USP10: variants seen among roughly 807,000 people sequenced by gnomAD.
USP10 encodes ubiquitin specific peptidase 10.
A neutral mutation model predicts 84.5 loss-of-function variants in USP10; 22 were observed. The observed-to-expected ratio is 0.26, with a 90% CI of 0.19 to 0.37. The LOEUF (loss-of-function observed/expected upper bound fraction) is 0.37, where lower values mean the gene tolerates loss of function less well. Ranked by LOEUF, USP10 falls within the 10% of genes least tolerant of loss-of-function variation. The pLI is 1.00. For missense variants in USP10, 1,019 were observed against 998.9 expected, an observed-to-expected ratio of 1.02 and a Z score of -0.27; for synonymous variants, 454 against 387.6, an observed-to-expected ratio of 1.17 and a Z score of -2.01.
chr16:84,760,016 G>A, intron 7 of USP10, 70 bp downstream of exon 7: 1 of 1,574,890 alleles, frequency 6.3e-7, no homozygotes, highest in Non-Finnish European at 8.7e-7. Flanking sequence ...CTTAAATTTG[G>A]TAAATTCAGT....
chr16:84,774,509 C>T (rs1914780465), intron 12 of USP10, among the ~76,000 whole-genome samples: 1 of 52,912 alleles, frequency 1.9e-5, no homozygotes, highest in Non-Finnish European at 3.9e-5. Flanking sequence ...CTTGCTCTGT[C>T]ACCCAGGCTG....
chr16:84,703,967 G>C (rs532770590), intron 1 of USP10, among the ~76,000 whole-genome samples: 3 of 152,250 alleles, frequency 2.0e-5, no homozygotes, highest in Non-Finnish European at 4.4e-5. Flanking sequence ...ACGTGGAACT[G>C]ATAGGATTTA....
At chr16:84,720,121 T>C (rs1907589945) in intron 1 of USP10, among the ~76,000 whole-genome samples, 1 of 152,288 alleles carries the variant, frequency 6.6e-6, no homozygotes, top group East Asian at 1.9e-4. Flanking sequence ...CAGTCCTAGA[T>C]TTTCTAGGAG....
intron 1 of USP10, among the ~76,000 whole-genome samples, chr16:84,700,397 T>C (rs889590159): frequency 1.3e-5 from 2 of 151,824 alleles, no homozygotes; most frequent in African/African-American, 4.8e-5. Context: ...TTAACCTCCC[T>C]GGGGCTGGAC....
At chr16:84,709,923 A>G (rs1906057668) in intron 1 of USP10, among the ~76,000 whole-genome samples, 1 of 152,144 alleles carries the variant, frequency 6.6e-6, no homozygotes, top group South Asian at 2.1e-4. Context: ...GAGAGAAAGA[A>G]TTTGGTAATC....
At chr16:84,753,565 G>T (rs1912183570) in intron 4 of USP10, among the ~76,000 whole-genome samples, 1 of 152,182 alleles carries the variant, frequency 6.6e-6, no homozygotes. Context: ...GGTGCGGAGT[G>T]ATCTGCCGCA....
chr16:84,759,463 T>C lies in USP10; in HGVS notation c.1385T>C (p.Ile462Thr). The C allele has an allele frequency of 1.2e-6, 2 of 1,613,918 alleles. No homozygotes were observed. The highest frequency in any genetic ancestry group is 1.7e-6 in the Non-Finnish European group (2 of 1,179,768). The change falls in exon 6 of 14, where the codon ATA becomes ACA. Residue 462 changes from isoleucine (I) to threonine (T), a missense_variant. Coordinates refer to ENST00000219473, the MANE Select transcript of USP10 (RefSeq NM_005153.3). The stretch of plus-strand genomic sequence containing the variant: ...AGGCCTTGTACGTCAACACCCATGA[T>C]AGACAGCTTGTAAGTAAGGTGGTGA... ...VQRPCTSTPM[I>T]DSFVRLMNEF...
intron 7 of USP10, 37 bp from the exon 8 acceptor site, chr16:84,760,135 T>C (rs1597381305): frequency 2.5e-6 from 4 of 1,574,902 alleles, no homozygotes; most frequent in Non-Finnish European, 3.5e-6. Flanking sequence ...ATGAGTTCAT[T>C]GTAGTTAGGA....
At chr16:84,763,744 C>T (rs778903127) in intron 9 of USP10, among the ~76,000 whole-genome samples, 1 of 151,702 alleles carries the variant, frequency 6.6e-6, no homozygotes, top group Non-Finnish European at 1.5e-5. Context: ...GATCCAGTGG[C>T]ATTGCGCCTG....
rs997019241 is a variant in USP10 at position 84,733,515 on chromosome 16, CTTTG to C, written c.90+16_90+19del. 1 of 1,601,298 alleles carries C rather than the reference CTTTG, an allele frequency of 6.2e-7. No homozygotes were observed. Among genetic ancestry groups the C allele is most frequent in the African/African-American group, 1.3e-5 (1 of 74,432 alleles). On this transcript the variant is annotated intron_variant, in intron 2 of 13. Coordinates refer to ENST00000219473, the MANE Select transcript of USP10 (RefSeq NM_005153.3). ...GATCTTCAGTTGAGGTAAGACAAAA[CTTTG>C]TTTTAGTGAGTCCGTGGGTAGATAC... is the stretch of plus-strand genomic sequence containing the variant.
chr16:84,741,412 G>A (rs1019699111), intron 3 of USP10, among the ~76,000 whole-genome samples: 1 of 152,226 alleles, frequency 6.6e-6, no homozygotes, highest in Non-Finnish European at 1.5e-5. Flanking sequence ...CTGAGTCAGT[G>A]GGACTTCCTC....
chr16:84,744,633 G>T lies in USP10; in HGVS notation c.152G>T (p.Gly51Val), dbSNP rs754599310. ...GTQAVDKLPD[G>V]QEYQRIEFGV... Reference sequence around the variant, plus strand: ...AACTAATAGTTTTCTTTCTAAACAGGACAAGAATATCAGAGAATTGAGTTT... The same window carrying T: ...AACTAATAGTTTTCTTTCTAAACAGTACAAGAATATCAGAGAATTGAGTTT... Residue 51 changes from glycine to valine, a missense_variant and splice_region_variant, in exon 4 of 14, where the codon GGA (glycine) becomes GTA (valine). By Grantham distance (109) the Gly-to-Val change is moderately radical. Transcript: ENST00000219473. The T allele has an allele frequency of 6.2e-7, 1 of 1,604,240 alleles. No individual in the cohort carries two copies. The highest frequency in any genetic ancestry group is 8.5e-7 in the Non-Finnish European group (1 of 1,173,610).
At chr16:84,750,626 A>G (rs1911819089) in intron 4 of USP10, among the ~76,000 whole-genome samples, 1 of 152,176 alleles carries the variant, frequency 6.6e-6, no homozygotes, top group Admixed American at 6.5e-5. Context: ...TTACTAAGGA[A>G]CATTCCTCAT....
rs1286283150 is a variant in USP10 at position 84,779,703 on chromosome 16, T to C, written c.*621T>C. 6.5e-6 allele frequency: 1 copy of C among 152,716 alleles called. No homozygotes were observed. Among genetic ancestry groups the C allele is most frequent in the Non-Finnish European group, 1.5e-5 (1 of 68,078 alleles). The allele number at this position is 152,716 out of a possible 1,614,324, so 9.5% of individuals were successfully genotyped here. A position where few individuals can be genotyped will look rare whatever the true frequency, so the allele number is the denominator to read the frequency against. Reference sequence around the variant, plus strand: ...AATGTTAGTCTACATAGATGGGTGATTGTAACTTTATTGCCATTAAAAGAT... The same window carrying C: ...AATGTTAGTCTACATAGATGGGTGACTGTAACTTTATTGCCATTAAAAGAT... On this transcript the variant is annotated 3_prime_UTR_variant, in exon 14 of 14. Transcript: ENST00000219473.
At chr16:84,770,088 G>A (rs1292659624) in intron 11 of USP10, among the ~76,000 whole-genome samples, 1 of 152,110 alleles carries the variant, frequency 6.6e-6, no homozygotes, top group Non-Finnish European at 1.5e-5. Context: ...CAGCCTGTGC[G>A]ATAGTGAAAC....
At chr16:84,701,565 C>T (rs1483275155) in intron 1 of USP10, among the ~76,000 whole-genome samples, 2 of 152,148 alleles carry the variant, frequency 1.3e-5, no homozygotes, top group African/African-American at 2.4e-5. Context: ...GTAAAAGGCT[C>T]ATTATGAATT....
intron 2 of USP10, among the ~76,000 whole-genome samples, chr16:84,735,473 C>T (rs767825816): frequency 9.2e-5 from 14 of 152,096 alleles, no homozygotes; most frequent in African/African-American, 2.9e-4. Flanking sequence ...TCCACAGGCT[C>T]GGAGGGTTTG....
chr16:84,759,131 G>C, intron 5 of USP10: 1 of 592,950 alleles, frequency 1.7e-6, no homozygotes, highest in African/African-American at 1.9e-5. Context: ...GTCTTGGTTA[G>C]GTCAAGTTCT....
chr16:84,755,438 A>G (rs985802447), intron 4 of USP10, among the ~76,000 whole-genome samples: 2 of 150,540 alleles, frequency 1.3e-5, no homozygotes, highest in Non-Finnish European at 3.0e-5. Flanking sequence ...TGCTGTCTTC[A>G]CTCCTACACG....
Sources: allele counts gnomAD v4.1 joint callset (sites outside exome capture counted in the v4.1 genomes callset), GRCh38; gene constraint gnomAD v4.1.1; transcripts MANE v1.5; gene names NCBI Gene and HGNC (gene_info 2026-07-23, HGNC 2026-07-21).